The following MON1B variants were observed in gnomAD, a reference collection of about 807,000 sequenced individuals.
MON1B encodes the protein MON1 vesicular trafficking associated B, also known as vacuolar fusion protein MON1 homolog B.
A neutral mutation model predicts 45.1 loss-of-function variants in MON1B; 26 were observed. The ratio of observed to expected loss-of-function variants is 0.58; its 90% CI spans 0.42 to 0.80. MON1B has a LOEUF of 0.80. Among genes scored for constraint, MON1B ranks in the 30% least tolerant of loss-of-function variants. The pLI, the probability that MON1B is intolerant of heterozygous loss-of-function variation, is 0.00. For synonymous variants in MON1B, 395 were observed against 320.2 expected (o/e 1.23, Z -2.49); for missense variants, 737 against 754.5 (o/e 0.98, Z 0.27).
chr16:77,197,429 G>C (rs1333937778), intron 5 of MON1B, among the ~76,000 whole-genome samples: 1 of 152,146 alleles, frequency 6.6e-6, no homozygotes, highest in Non-Finnish European at 1.5e-5. Flanking sequence ...CAAAATATAT[G>C]TTAGGAGCAG....
Position 77,191,198 on chromosome 16 carries a change from T to C in MON1B, c.-71T>C. 6.5e-7 allele frequency: 1 copy of C among 1,535,936 alleles called. No individual in the cohort carries two copies. The highest frequency in any genetic ancestry group is 8.7e-7 in the Non-Finnish European group (1 of 1,146,766). On this transcript the variant is annotated 5_prime_UTR_variant, in exon 1 of 6. An upstream start codon of the reference 5' UTR is lost. Coordinates refer to ENST00000248248, the MANE Select transcript of MON1B (RefSeq NM_014940.4). ...TCCCGGGCCGCACCCGGAAGTGTGATGCCACCGCCGCTACGGGGAAGTAAT... is the reference window on the plus strand; with the variant it reads ...TCCCGGGCCGCACCCGGAAGTGTGACGCCACCGCCGCTACGGGGAAGTAAT...
At chr16:77,191,413 T>C in intron 1 of MON1B, 63 bp from the exon 2 acceptor site, 2 of 1,578,458 alleles carry the variant, frequency 1.3e-6, no homozygotes, top group East Asian at 2.2e-5. Flanking sequence ...GGGGCCTGAC[T>C]CTATAAAGGC....
intron 5 of MON1B, among the ~76,000 whole-genome samples, chr16:77,197,370 T>C (rs1384059377): frequency 6.6e-6 from 1 of 152,180 alleles, no homozygotes; most frequent in Non-Finnish European, 1.5e-5. Flanking sequence ...CACTCCAGCC[T>C]GGGTAACAGA....
At position 77,198,480 on chromosome 16, in the gene MON1B, C is replaced by T. The variant is rs1307910266; in HGVS notation, c.*172C>T. ...GAGAGAGATGGTGGCAGCCGCCAGG[C>T]GAGCAGGCTGCTTTCCCTGCCCAGT... is the stretch of plus-strand genomic sequence containing the variant. On this transcript the variant is annotated 3_prime_UTR_variant, in exon 6 of 6. Coordinates refer to ENST00000248248, the MANE Select transcript of MON1B (RefSeq NM_014940.4). The T allele has an allele frequency of 1.1e-5, 8 of 703,596 alleles. No homozygotes were observed. Among genetic ancestry groups the T allele is most frequent in the Non-Finnish European group, 1.9e-5 (8 of 426,108 alleles). The allele number at this position is 703,596 out of a possible 1,614,324, so 43.6% of individuals were successfully genotyped here. A position where few individuals can be genotyped will look rare whatever the true frequency, so the allele number is the denominator to read the frequency against.
chr16:77,199,538 C>G lies in MON1B; in HGVS notation c.*1230C>G. ...GTAGTGAGGGCAAGTGGGCTGCACT[C>G]CTTTCTCTCCAACCAGGGCAGAAAG... On this transcript the variant is annotated 3_prime_UTR_variant, in exon 6 of 6. Coordinates refer to ENST00000248248, the MANE Select transcript of MON1B (RefSeq NM_014940.4). 6.5e-7 allele frequency: 1 copy of G among 1,526,740 alleles called. No individual in the cohort carries two copies. Among genetic ancestry groups the G allele is most frequent in the East Asian group, 2.5e-5 (1 of 40,782 alleles). 94.6% of individuals were successfully genotyped at this position (1,526,740 alleles called of 1,614,324 possible).
chr16:77,198,698 G>A lies in MON1B; in HGVS notation c.*390G>A, dbSNP rs1255933883. On this transcript the variant is annotated 3_prime_UTR_variant, in exon 6 of 6. Transcript: ENST00000248248. ...CCAAGGTGTCTAGGGTGGCCCACGG[G>A]GGTGCTGGAATTGGCACTTCAGGGC... is the stretch of plus-strand genomic sequence containing the variant. 2 of 247,170 alleles carry A rather than the reference G, an allele frequency of 8.1e-6. No homozygotes were observed. The highest frequency in any genetic ancestry group is 4.4e-5 in the African/African-American group (2 of 45,688). The allele number at this position is 247,170 out of a possible 1,614,324, so 15.3% of individuals were successfully genotyped here.
chr16:77,191,890 A>G (rs1250271562), intron 2 of MON1B, among the ~76,000 whole-genome samples: 1 of 152,204 alleles, frequency 6.6e-6, no homozygotes, highest in Non-Finnish European at 1.5e-5. Flanking sequence ...GGGGGCTGTT[A>G]GGACCAAAGA....
chr16:77,200,746 C>CAAAAAAAAAAAAAAAAA lies in MON1B; in HGVS notation c.*2441_*2457dup, dbSNP rs11344903. 28 of 84,670 alleles carry CAAAAAAAAAAAAAAAAA rather than the reference C, an allele frequency of 3.3e-4. No homozygotes were observed. The highest frequency in any genetic ancestry group is 4.7e-4 in the Non-Finnish European group (20 of 42,712). 5.2% of individuals were successfully genotyped at this position (84,670 alleles called of 1,614,324 possible). A position where few individuals can be genotyped will look rare whatever the true frequency, so the allele number is the denominator to read the frequency against. ...ACTCCAGCGCGGAAGACAGAGTGAG[C>CAAAAAAAAAAAAAAAAA]AAAAAAAAAAAAAAAAAAAGAAAAA... On this transcript the variant is annotated 3_prime_UTR_variant, in exon 6 of 6. Coordinates refer to ENST00000248248, the MANE Select transcript of MON1B (RefSeq NM_014940.4).
In MON1B at chr16:77,200,256, G is replaced by GTATATATATATATATGTATATA. The variant is rs2054720013; in HGVS notation, c.*1965_*1966insATATATATATATATATATATGT. 19 of 83,624 alleles carry GTATATATATATATATGTATATA rather than the reference G, an allele frequency of 2.3e-4. No individual in the cohort carries two copies. The highest frequency in any genetic ancestry group is 6.7e-4 in the African/African-American group (18 of 26,946). 5.2% of individuals were successfully genotyped at this position (83,624 alleles called of 1,614,324 possible). A position where few individuals can be genotyped will look rare whatever the true frequency, so the allele number is the denominator to read the frequency against. On this transcript the variant is annotated 3_prime_UTR_variant, in exon 6 of 6. Coordinates refer to ENST00000248248, the MANE Select transcript of MON1B (RefSeq NM_014940.4). The stretch of plus-strand genomic sequence containing the variant: ...TGTATATATATATATATGTATATGT[G>GTATATATATATATATGTATATA]TATATATATATATATGTGTATATAT...
rs2054658199 is a variant in MON1B, at chr16:77,195,650, C to T, written c.1411C>T (p.His471Tyr). 2 of 1,614,154 alleles carry T rather than the reference C, an allele frequency of 1.2e-6. No homozygotes were observed. The highest frequency in any genetic ancestry group is 1.7e-6 in the Non-Finnish European group (2 of 1,180,020). The change falls in exon 5 of 6, where the codon CAC becomes TAC. Residue 471 changes from histidine (H) to tyrosine (Y), a missense_variant. Physicochemically the swap from His to Tyr is moderately conservative, Grantham distance 83. Transcript: ENST00000248248. ...CTCCCGACCCCTGCGCCTCATTTAC[C>T]ACGTGGCTGAGAAGGAGACACTACT... is the stretch of plus-strand genomic sequence containing the variant. ...STSRPLRLIY[H>Y]VAEKETLLAW... is the part of the protein sequence containing the mutation.
Position 77,195,627 on chromosome 16 carries a change from C to G in MON1B, c.1388C>G (p.Ser463Cys). ...CTGCATGCTCGTCTCCACAGCACCT[C>G]CCGACCCCTGCGCCTCATTTACCAC... ...HRLHARLHST[S>C]RPLRLIYHVA... is the part of the protein sequence containing the mutation. The change falls in exon 5 of 6, where the codon TCC becomes TGC. Residue 463 changes from serine to cysteine, a missense_variant. Coordinates refer to ENST00000248248, the MANE Select transcript of MON1B (RefSeq NM_014940.4). 1.2e-6 allele frequency: 2 copies of G among 1,614,158 alleles called. No individual in the cohort carries two copies. Among genetic ancestry groups the G allele is most frequent in the Non-Finnish European group, 1.7e-6 (2 of 1,180,022 alleles).
rs2054738613 is a variant in MON1B at position 77,201,183 on chromosome 16, A to T, written c.*2875A>T. ...TTTTTTAATGTGTGACCAATGAAAT[A>T]ACTTCAAGAGCAGAGAGCTCTTTTA... On this transcript the variant is annotated 3_prime_UTR_variant, in exon 6 of 6. Coordinates refer to ENST00000248248, the MANE Select transcript of MON1B (RefSeq NM_014940.4). 1 of 152,228 alleles carries T rather than the reference A, an allele frequency of 6.6e-6. No homozygotes were observed. Among genetic ancestry groups the T allele is most frequent in the Admixed American group, 6.5e-5 (1 of 15,282 alleles). The allele number at this position is 152,228 out of a possible 1,614,324, so 9.4% of individuals were successfully genotyped here.
At chr16:77,197,515 G>A (rs13339023) in intron 5 of MON1B, among the ~76,000 whole-genome samples, 58,434 of 152,068 alleles carry the variant, frequency 0.38, 12,659 homozygotes, top group Non-Finnish European at 0.5. Context: ...ATTGAGCTAC[G>A]TGGATATTAG....
rs776635520 is a variant in MON1B, at chr16:77,194,952, G to A, written c.1093G>A (p.Ala365Thr). The change falls in exon 4 of 6, where the codon GCC becomes ACC. Residue 365 changes from alanine (A) to threonine (T), a missense_variant. Ala to Thr is a moderately conservative substitution (Grantham distance 58). Transcript: ENST00000248248. The surrounding 1 kb of genome is among the most constrained non-coding windows in gnomAD (Gnocchi z 8.1). ...TQREAFHAMA[A>T]CRRLVEDGMH... The stretch of plus-strand genomic sequence containing the variant: ...ACGTGAAGCCTTCCATGCCATGGCC[G>A]CCTGCCGGCGCCTGGTTGAAGATGG... 1.7e-5 allele frequency: 28 copies of A among 1,613,752 alleles called. No individual in the cohort carries two copies. The highest frequency in any genetic ancestry group is 1.6e-4 in the Middle Eastern group (1 of 6,062).
chr16:77,198,578 A>C lies in MON1B; in HGVS notation c.*270A>C, dbSNP rs565722219. The C allele has an allele frequency of 6.9e-4, 342 of 494,502 alleles. 1 individual carries two copies. Among genetic ancestry groups the C allele is most frequent in the Non-Finnish European group, 1.1e-3 (293 of 270,746 alleles). The allele number at this position is 494,502 out of a possible 1,614,324, so 30.6% of individuals were successfully genotyped here. On this transcript the variant is annotated 3_prime_UTR_variant, in exon 6 of 6. Transcript: ENST00000248248. ...CCTCTGTCTCATCTCCTCCACTTGG[A>C]TGATGCTCTAGCCTCTGTCAGGGAC...
In MON1B at chr16:77,200,746, C is replaced by CAAAAAAAAAAAAAAAAAAAAA; in HGVS notation, c.*2457_*2458insAAAAAAAAAAAAAAAAAAAAA. ...ACTCCAGCGCGGAAGACAGAGTGAG[C>CAAAAAAAAAAAAAAAAAAAAA]AAAAAAAAAAAAAAAAAAAGAAAAA... On this transcript the variant is annotated 3_prime_UTR_variant, in exon 6 of 6. Transcript: ENST00000248248. 1 of 84,838 alleles carries CAAAAAAAAAAAAAAAAAAAAA rather than the reference C, an allele frequency of 1.2e-5. No homozygotes were observed. The highest frequency in any genetic ancestry group is 2.3e-5 in the Non-Finnish European group (1 of 42,852). The allele number at this position is 84,838 out of a possible 1,614,324, so 5.3% of individuals were successfully genotyped here.
In MON1B at chr16:77,199,401, T is replaced by G; in HGVS notation, c.*1093T>G. 6.5e-7 allele frequency: 1 copy of G among 1,539,334 alleles called. No individual in the cohort carries two copies. Among genetic ancestry groups the G allele is most frequent in the Middle Eastern group, 1.8e-4 (1 of 5,668 alleles). Reference sequence around the variant, plus strand: ...AAGCCTTTCACCCTCACGTGGTTTCTTTTTTAACCAGTCATCAAGCGAGGC... The same window carrying G: ...AAGCCTTTCACCCTCACGTGGTTTCGTTTTTAACCAGTCATCAAGCGAGGC... On this transcript the variant is annotated 3_prime_UTR_variant, in exon 6 of 6. Transcript: ENST00000248248.
Position 77,195,639 on chromosome 16 carries a change from G to T in MON1B, c.1400G>T (p.Arg467Leu). Residue 467 changes from arginine (R) to leucine (L), a missense_variant, in exon 5 of 6, where the codon CGC becomes CTC. Coordinates refer to ENST00000248248, the MANE Select transcript of MON1B (RefSeq NM_014940.4). ...CTCCACAGCACCTCCCGACCCCTGC[G>T]CCTCATTTACCACGTGGCTGAGAAG... The part of the protein sequence containing the change: ...ARLHSTSRPL[R>L]LIYHVAEKET... 6.2e-7 allele frequency: 1 copy of T among 1,614,094 alleles called. No homozygotes were observed. The highest frequency in any genetic ancestry group is 8.5e-7 in the Non-Finnish European group (1 of 1,180,010).
chr16:77,196,029 C>T (rs2054662384), intron 5 of MON1B, among the ~76,000 whole-genome samples: 1 of 152,172 alleles, frequency 6.6e-6, no homozygotes, highest in Admixed American at 6.5e-5. Flanking sequence ...CCATTCATCA[C>T]CAGCTCATTG....
Sources: gnomAD v4.1 joint callset for allele counts (sites outside exome capture counted in the v4.1 genomes callset) on GRCh38, gnomAD v4.1.1 for gene constraint, Gnocchi (gnomAD v3.1) non-coding constraint, MANE v1.5 for transcripts, NCBI Gene and HGNC (gene_info 2026-07-23, HGNC 2026-07-21) for gene names.